JAKMIP1: variants seen among roughly 807,000 people sequenced by gnomAD.
The protein encoded by JAKMIP1 is janus kinase and microtubule-interacting protein 1.
A neutral mutation model predicts 113.0 loss-of-function variants in JAKMIP1; 33 were observed. The observed-to-expected ratio is 0.29, with a 90% confidence interval of 0.22 to 0.39. The LOEUF (loss-of-function observed/expected upper bound fraction) is 0.39. Among genes scored for constraint, JAKMIP1 ranks in the 10% least tolerant of loss-of-function variants. JAKMIP1 has a pLI of 1.00. For synonymous variants in JAKMIP1, 480 were observed against 459.9 expected, an observed-to-expected ratio of 1.04 and a Z score of -0.56; for missense variants, 813 against 1,080.5, an observed-to-expected ratio of 0.75 and a Z score of 3.47.
chr4:6,058,687 A>G (rs1344624618), intron 11 of JAKMIP1, among the ~76,000 whole-genome samples: 1 of 152,244 alleles, frequency 6.6e-6, no homozygotes, highest in South Asian at 2.1e-4. Context: ...TCTTTGCTCA[A>G]TGTGCTCTCG....
rs370450377 is a variant in JAKMIP1 at position 6,106,291 on chromosome 4, G to A, written c.130-324C>T. On this transcript the variant is annotated intron_variant, in intron 2 of 20. Transcript: ENST00000409021. This position sits in a 1 kb window ranked among gnomAD's most constrained non-coding sequence, Gnocchi z 5.9. ...GCTCAATCACAAAACACACCCTGCA[G>A]AAATCATCACCAAGACCCAAAAGAT... 2.1e-3 allele frequency among the ~76,000 whole-genome samples: 320 copies of A among 152,336 alleles called. 3 individuals carry two copies. Among genetic ancestry groups the A allele is most frequent in the African/African-American group, 7.2e-3 (301 of 41,568 alleles).
Position 6,054,251 on chromosome 4 carries a change from C to T in JAKMIP1, c.1708-103G>A, listed in dbSNP as rs937319314. The T allele has an allele frequency of 2.8e-5, 32 of 1,132,758 alleles. No individual in the cohort carries two copies. The Admixed American group carries it at 4.9e-4, about 17-fold the overall frequency. The allele number at this position is 1,132,758 out of a possible 1,614,324, so 70.2% of individuals were successfully genotyped here. A position where few individuals can be genotyped will look rare whatever the true frequency, so the allele number is the denominator to read the frequency against. On this transcript the variant is annotated intron_variant, in intron 12 of 20. Transcript: ENST00000409021. Reference sequence around the variant, plus strand: ...TGGCTGGAGGGAAACAGACGACTGGCCACGGAGGCAAGGGGCAGGAGAGGG... The same window carrying T: ...TGGCTGGAGGGAAACAGACGACTGGTCACGGAGGCAAGGGGCAGGAGAGGG...
At chr4:6,026,535 G>C (rs1298191981) in intron 20 of JAKMIP1, among the ~76,000 whole-genome samples, 2 of 152,120 alleles carry the variant, frequency 1.3e-5, no homozygotes, top group Non-Finnish European at 2.9e-5. Context: ...TCATTCAGGG[G>C]AGATTGACAC....
chr4:6,126,481 A>G (rs556940002), intron 1 of JAKMIP1, among the ~76,000 whole-genome samples: 2 of 151,406 alleles, frequency 1.3e-5, no homozygotes, highest in South Asian at 4.2e-4. Flanking sequence ...CACACCATGT[A>G]GAAACACACA....
At position 6,116,288 on chromosome 4, in the gene JAKMIP1, C is replaced by T. The variant is rs1267813588; in HGVS notation, c.-147-3291G>A. On this transcript the variant is annotated intron_variant, in intron 1 of 20. Transcript: ENST00000409021. The surrounding 1 kb of genome is among the most constrained non-coding windows in gnomAD (Gnocchi z 5.1). ...CCAAAGGTCTCATCAGCAGGAGCAA[C>T]AGCAGGGAACTCTCCTGCCTGAGCT... Among the ~76,000 whole-genome samples the T allele has an allele frequency of 6.6e-6, 1 of 152,118 alleles. No homozygotes were observed. Among genetic ancestry groups the T allele is most frequent in the African/African-American group, 2.4e-5 (1 of 41,422 alleles).
chr4:6,171,575 T>G (rs189082184), intron 1 of JAKMIP1, among the ~76,000 whole-genome samples: 127 of 146,034 alleles, frequency 8.7e-4, no homozygotes, highest in African/African-American at 3.0e-3. Flanking sequence ...CCCACTGTGA[T>G]GTAAACCGTC....
In JAKMIP1 at chr4:6,186,036, A is replaced by G. The variant is rs973988474; in HGVS notation, c.-148+14217T>C. ...AGGGGCACTCCATTCAGTAATGGAGATGAAAGTGGACACAGCCAGCCACTC... is the reference window on the plus strand; with the variant it reads ...AGGGGCACTCCATTCAGTAATGGAGGTGAAAGTGGACACAGCCAGCCACTC... On this transcript the variant is annotated intron_variant, in intron 1 of 20. Coordinates refer to ENST00000409021, the MANE Select transcript of JAKMIP1 (RefSeq NM_001099433.2). The surrounding 1 kb of genome is among the most constrained non-coding windows in gnomAD (Gnocchi z 5.5). 5.9e-5 allele frequency among the ~76,000 whole-genome samples: 9 copies of G among 152,130 alleles called. No individual in the cohort carries two copies. Among genetic ancestry groups the G allele is most frequent in the Admixed American group, 1.3e-4 (2 of 15,284 alleles).
In JAKMIP1 at chr4:6,080,434, G is replaced by T; in HGVS notation, c.1102-122C>A. 1 of 1,194,216 alleles carries T rather than the reference G, an allele frequency of 8.4e-7. No individual in the cohort carries two copies. Among genetic ancestry groups the T allele is most frequent in the Non-Finnish European group, 1.2e-6 (1 of 854,700 alleles). 74.0% of individuals were successfully genotyped at this position (1,194,216 alleles called of 1,614,324 possible). A position where few individuals can be genotyped will look rare whatever the true frequency, so the allele number is the denominator to read the frequency against. ...GGATGGATGGGAGGATGAAAGAGAT[G>T]ATGGCCTGATATGGTTTGGCTGTGT... On this transcript the variant is annotated intron_variant, in intron 6 of 20. Coordinates refer to ENST00000409021, the MANE Select transcript of JAKMIP1 (RefSeq NM_001099433.2). This position sits in a 1 kb window ranked among gnomAD's most constrained non-coding sequence, Gnocchi z 6.0.
chr4:6,190,041 A>T (rs6843780), intron 1 of JAKMIP1, among the ~76,000 whole-genome samples: 1 of 151,880 alleles, frequency 6.6e-6, no homozygotes, highest in South Asian at 2.1e-4. Context: ...TCTAGCCCCA[A>T]TGACTTCATT....
chr4:6,148,572 C>T (rs1721160156), intron 1 of JAKMIP1, among the ~76,000 whole-genome samples: 1 of 152,274 alleles, frequency 6.6e-6, no homozygotes, highest in African/African-American at 2.4e-5. Flanking sequence ...TTCACTTTTT[C>T]ACCCAGTTCC....
chr4:6,159,463 TAATAGATTAAG>T (rs1247729528), intron 1 of JAKMIP1, among the ~76,000 whole-genome samples: 1 of 152,164 alleles, frequency 6.6e-6, no homozygotes, highest in Non-Finnish European at 1.5e-5. Flanking sequence ...TTAATATTCT[TAATAGATTAAG>T]AGGTTTCAGA....
Position 6,139,079 on chromosome 4 carries a change from C to CATAT in JAKMIP1, c.-147-26083_-147-26082insATAT, listed in dbSNP as rs1381231843. On this transcript the variant is annotated intron_variant, in intron 1 of 20. Transcript: ENST00000409021. The surrounding 1 kb of genome is among the most constrained non-coding windows in gnomAD (Gnocchi z 5.2). ...AAACACACACACACACACACACACA[C>CATAT]ACACATATACACACACACACACACA... Among the ~76,000 whole-genome samples, 1 of 137,352 alleles carries CATAT rather than the reference C, an allele frequency of 7.3e-6. No individual in the cohort carries two copies. Among genetic ancestry groups the CATAT allele is most frequent in the African/African-American group, 3.2e-5 (1 of 31,502 alleles). The allele number at this position is 137,352 out of a possible 152,430, so 90.1% of individuals were successfully genotyped here.
At chr4:6,085,329 C>T in intron 4 of JAKMIP1, 91 bp downstream of exon 4, 3 of 1,070,804 alleles carry the variant, frequency 2.8e-6, no homozygotes, top group Non-Finnish European at 4.1e-6. Context: ...TGAATACATG[C>T]CACCTCAGAG....
intron 18 of JAKMIP1, among the ~76,000 whole-genome samples, chr4:6,036,468 C>A (rs544322474): frequency 5.3e-5 from 8 of 152,254 alleles, no homozygotes; most frequent in African/African-American, 1.7e-4. Context: ...CTCTCCTCAC[C>A]CTGGAAACAA....
intron 3 of JAKMIP1, 47 bp downstream of exon 3, chr4:6,105,426 G>A (rs753696165): frequency 2.0e-6 from 3 of 1,517,390 alleles, no homozygotes; most frequent in East Asian, 2.3e-5. Flanking sequence ...ATGCGTGCAG[G>A]GAGGGAAGGC....
rs553331310 is a variant in JAKMIP1, at chr4:6,027,400, A to C, written c.2446-1122T>G. Reference sequence around the variant, plus strand: ...AGTCACCCAGCCCTTCATCTTCCACATGGGGAAACTGAGGCCTGGGAAGAG... The same window carrying C: ...AGTCACCCAGCCCTTCATCTTCCACCTGGGGAAACTGAGGCCTGGGAAGAG... On this transcript the variant is annotated intron_variant, in intron 20 of 20. Coordinates refer to ENST00000409021, the MANE Select transcript of JAKMIP1 (RefSeq NM_001099433.2). 4.6e-5 allele frequency among the ~76,000 whole-genome samples: 7 copies of C among 152,292 alleles called. No individual in the cohort carries two copies. The East Asian group carries it at 1.4e-3, about 29-fold the overall frequency.
At chr4:6,174,018 A>C (rs1450679424) in intron 1 of JAKMIP1, among the ~76,000 whole-genome samples, 2 of 152,232 alleles carry the variant, frequency 1.3e-5, no homozygotes, top group African/African-American at 4.8e-5. Flanking sequence ...GCAGTGAGCC[A>C]AGGTGGCAAC....
chr4:6,165,043 T>G (rs553916748), intron 1 of JAKMIP1, among the ~76,000 whole-genome samples: 1 of 152,366 alleles, frequency 6.6e-6, no homozygotes, highest in East Asian at 1.9e-4. Context: ...GAAGTTCTAC[T>G]GTGGGCAAAA....
chr4:6,048,964 C>A, intron 15 of JAKMIP1, 42 bp from the exon 16 acceptor site: 2 of 1,473,894 alleles, frequency 1.4e-6, no homozygotes, highest in South Asian at 1.1e-5. Context: ...CACTGGATCC[C>A]AAATCCACGT....
Sources: gnomAD v4.1 joint callset for allele counts (sites outside exome capture counted in the v4.1 genomes callset) on GRCh38, gnomAD v4.1.1 for gene constraint, Gnocchi (gnomAD v3.1) non-coding constraint, MANE v1.5 for transcripts, NCBI Gene and HGNC (gene_info 2026-07-23, HGNC 2026-07-21) for gene names.